The following MYRIP variants were observed in gnomAD, a reference collection of about 807,000 sequenced individuals.
MYRIP encodes myosin VIIA and Rab interacting protein, also known as rab effector MyRIP.
In MYRIP, 49 loss-of-function variants were observed where a neutral mutation model predicts 98.0. The ratio of observed to expected loss-of-function variants is 0.50; its 90% CI spans 0.40 to 0.63. The LOEUF (loss-of-function observed/expected upper bound fraction) is 0.63. Ranked by LOEUF, MYRIP falls within the 30% of genes least tolerant of loss-of-function variation. The pLI is 0.00. For synonymous variants in MYRIP, 404 were observed against 409.5 expected (o/e 0.99, Z 0.16); for missense variants, 1,004 against 1,058.2 (o/e 0.95, Z 0.71).
At chr3:39,885,785 G>T (rs144857978) in intron 1 of MYRIP, among the ~76,000 whole-genome samples, 2 of 151,816 alleles carry the variant, frequency 1.3e-5, no homozygotes, top group Non-Finnish European at 2.9e-5. Context: ...CCAGTTGATC[G>T]CATTGGCTCC....
intron 4 of MYRIP, among the ~76,000 whole-genome samples, chr3:40,155,336 G>A (rs1375200916): frequency 2.0e-5 from 3 of 150,640 alleles, no homozygotes; most frequent in Non-Finnish European, 4.4e-5. Flanking sequence ...ATTTTTTATG[G>A]CTGCATAGTA....
chr3:40,170,519 C>T (rs575238154), intron 8 of MYRIP, among the ~76,000 whole-genome samples: 7 of 152,310 alleles, frequency 4.6e-5, no homozygotes, highest in Admixed American at 6.5e-5. Flanking sequence ...AAAATGGTCA[C>T]ATCTGGACAC....
intron 3 of MYRIP, among the ~76,000 whole-genome samples, chr3:40,135,483 C>T (rs1949744324): frequency 6.6e-6 from 1 of 152,178 alleles, no homozygotes. Flanking sequence ...AGGAGAACTT[C>T]CCCAATCTAG....
At chr3:40,230,860 C>T in intron 11 of MYRIP, among the ~76,000 whole-genome samples, 1 of 148,512 alleles carries the variant, frequency 6.7e-6, no homozygotes, top group Non-Finnish European at 1.5e-5. Context: ...GAATTTCGCT[C>T]TTGTTGCCCA....
chr3:40,252,756 AG>A (rs538366661), intron 16 of MYRIP, among the ~76,000 whole-genome samples: 80 of 152,334 alleles, frequency 5.3e-4, no homozygotes, highest in Admixed American at 1.1e-3. Context: ...TGGTTGTCCA[AG>A]ATAGAATCTT....
chr3:40,134,205 G>A (rs910972822), intron 3 of MYRIP, among the ~76,000 whole-genome samples: 4 of 152,216 alleles, frequency 2.6e-5, no homozygotes, highest in Admixed American at 1.3e-4. Context: ...CTCTTCCAAC[G>A]GGCTTAACAA....
intron 16 of MYRIP, among the ~76,000 whole-genome samples, chr3:40,252,557 A>G (rs1313550576): frequency 6.6e-6 from 1 of 152,008 alleles, no homozygotes; most frequent in East Asian, 2.0e-4. Context: ...ACTAAAAAGC[A>G]AAGACAAGCC....
At chr3:40,085,280 T>C (rs866247885) in intron 3 of MYRIP, among the ~76,000 whole-genome samples, 6 of 152,042 alleles carry the variant, frequency 3.9e-5, no homozygotes, top group Middle Eastern at 3.2e-3. Flanking sequence ...CACACACACA[T>C]ACATATATTT....
At chr3:40,247,602 C>A (rs1416315831) in intron 13 of MYRIP, among the ~76,000 whole-genome samples, 1 of 152,226 alleles carries the variant, frequency 6.6e-6, no homozygotes, top group Non-Finnish European at 1.5e-5. Context: ...TGGCTCACTG[C>A]AACCTCCGCC....
At chr3:40,156,601 G>A (rs1256406942) in intron 4 of MYRIP, among the ~76,000 whole-genome samples, 13 of 151,596 alleles carry the variant, frequency 8.6e-5, no homozygotes, top group South Asian at 8.4e-4. Context: ...CCATTTTCAC[G>A]ATATTGATTC....
chr3:39,883,090 A>G (rs547397348), intron 1 of MYRIP, among the ~76,000 whole-genome samples: 3 of 152,180 alleles, frequency 2.0e-5, no homozygotes, highest in Non-Finnish European at 4.4e-5. Context: ...ATTTGAGGCC[A>G]GTTTTTTCCT....
intron 2 of MYRIP, among the ~76,000 whole-genome samples, chr3:40,003,660 G>GTA (rs1946570582): frequency 6.6e-6 from 1 of 152,188 alleles, no homozygotes; most frequent in Admixed American, 6.5e-5. Context: ...GTGGCTAGCT[G>GTA]TATATATATT....
At chr3:40,158,920 AG>A (rs1258268537) in intron 4 of MYRIP, among the ~76,000 whole-genome samples, 1 of 152,040 alleles carries the variant, frequency 6.6e-6, no homozygotes, top group African/African-American at 2.4e-5. Flanking sequence ...TCCTGAATAC[AG>A]CACACTGATG....
chr3:40,132,582 A>G (rs1228412434), intron 3 of MYRIP, among the ~76,000 whole-genome samples: 1 of 152,262 alleles, frequency 6.6e-6, no homozygotes, highest in East Asian at 1.9e-4. Flanking sequence ...GACCAGGTAC[A>G]GGCCCTGGGT....
chr3:40,181,604 G>A (rs1950883790), intron 8 of MYRIP, among the ~76,000 whole-genome samples: 1 of 152,048 alleles, frequency 6.6e-6, no homozygotes, highest in Non-Finnish European at 1.5e-5. Context: ...AAAAACTTTA[G>A]TCTCTTTCTA....
At chr3:40,007,031 C>A (rs1402006755) in intron 2 of MYRIP, among the ~76,000 whole-genome samples, 1 of 152,156 alleles carries the variant, frequency 6.6e-6, no homozygotes, top group Non-Finnish European at 1.5e-5. Flanking sequence ...GCTAAGTGAT[C>A]ATTGCATGTG....
At chr3:40,111,047 C>CCTTCAGT (rs1949147198) in intron 3 of MYRIP, among the ~76,000 whole-genome samples, 1 of 152,046 alleles carries the variant, frequency 6.6e-6, no homozygotes, top group African/African-American at 2.4e-5. Flanking sequence ...GCATGGAAAA[C>CCTTCAGT]CTTCAGTCTG....
intron 2 of MYRIP, among the ~76,000 whole-genome samples, chr3:39,905,668 C>A (rs1257691211): frequency 1.3e-5 from 2 of 152,074 alleles, no homozygotes; most frequent in African/African-American, 4.8e-5. Context: ...GGCATTCACC[C>A]GCTGTTCCAA....
intron 1 of MYRIP, among the ~76,000 whole-genome samples, chr3:39,820,136 G>A (rs1033863645): frequency 6.6e-6 from 1 of 152,174 alleles, no homozygotes; most frequent in African/African-American, 2.4e-5. Context: ...ATGAGTGCCT[G>A]GAAAACAGGT....
Sources: gnomAD v4.1 joint callset for allele counts (sites outside exome capture counted in the v4.1 genomes callset) on GRCh38, gnomAD v4.1.1 for gene constraint, MANE v1.5 for transcripts, NCBI Gene and HGNC (gene_info 2026-07-23, HGNC 2026-07-21) for gene names.